Variants in ACSS1 observed in about 807,000 individuals in gnomAD.
ACSS1 encodes acyl-CoA synthetase short chain family member 1, also known as acetyl-coenzyme A synthetase 2-like, mitochondrial.
ACSS1 carries 42 observed loss-of-function variants against 75.3 expected under a neutral mutation model. That is an observed-to-expected ratio of 0.56 (90% CI 0.44 to 0.72). The LOEUF (loss-of-function observed/expected upper bound fraction) is 0.72. Ranked by LOEUF, ACSS1 falls within the 30% of genes least tolerant of loss-of-function variation. The probability of loss-of-function intolerance (pLI) is 0.00; values close to 1 mark genes in which losing one functional copy is unlikely to be tolerated. For missense variants in ACSS1, 782 were observed against 935.7 expected (o/e 0.84, Z 2.14); for synonymous variants, 380 against 376.8 (o/e 1.01, Z -0.10).
chr20:25,007,996 A>C, intron 13 of ACSS1, 55 bp from the exon 14 acceptor site: 1 of 1,579,256 alleles, frequency 6.3e-7, no homozygotes, highest in South Asian at 1.2e-5. Context: ...CCTCTGTGCT[A>C]GCGTGGACTG....
At chr20:25,030,460 G>C (rs145592920) in intron 3 of ACSS1, among the ~76,000 whole-genome samples, 2 of 151,982 alleles carry the variant, frequency 1.3e-5, no homozygotes, top group Non-Finnish European at 2.9e-5. Context: ...CCCTCCTGCC[G>C]CACTACACCC....
intron 2 of ACSS1, among the ~76,000 whole-genome samples, chr20:25,040,383 C>T (rs980434463): frequency 2.0e-5 from 3 of 152,212 alleles, no homozygotes; most frequent in African/African-American, 4.8e-5. Context: ...CAGATTAACA[C>T]CTGGAGGAGA....
intron 6 of ACSS1, 135 bp downstream of exon 6, chr20:25,021,254 C>T: frequency 1.6e-6 from 2 of 1,215,086 alleles, no homozygotes; most frequent in Non-Finnish European, 2.2e-6. Context: ...GGCATTTCGA[C>T]AGCAGGACCT....
chr20:25,045,429 C>T (rs145837532), intron 2 of ACSS1, among the ~76,000 whole-genome samples: 132 of 152,366 alleles, frequency 8.7e-4, no homozygotes, highest in African/African-American at 2.7e-3. Context: ...CCTAAGGTCA[C>T]GGTGGGGACC....
chr20:25,031,014 C>T, intron 2 of ACSS1, 56 bp from the exon 3 acceptor site: 1 of 1,578,524 alleles, frequency 6.3e-7, no homozygotes, highest in Non-Finnish European at 8.6e-7. Context: ...AAATGCAGAG[C>T]AGTTTGGGGG....
At position 25,057,841 on chromosome 20, in the gene ACSS1, G is replaced by T. The variant is rs1298806286; in HGVS notation, c.262C>A (p.His88Asn). ...CTGAAGTCGCAGTCCCAGACGGTGT[G>T]GTAGGGGGTGTCCCACACGAGAGTG... ...RDTLVWDTPY[H>N]TVWDCDFSTG... is the part of the protein sequence containing the mutation. The change falls in exon 1 of 14, where the codon CAC becomes AAC. Residue 88 changes from histidine to asparagine, a missense_variant. This residue lies in a region of ACSS1 where 377 missense variants were observed against 383.1 expected (regional missense o/e 0.98). Transcript: ENST00000323482. The T allele has an allele frequency of 5.0e-6, 8 of 1,612,380 alleles. No individual in the cohort carries two copies. Among genetic ancestry groups the T allele is most frequent in the Non-Finnish European group, 6.8e-6 (8 of 1,179,344 alleles).
At chr20:25,023,368 T>A (rs1568835875) in intron 4 of ACSS1, 98 bp downstream of exon 4, 4 of 1,463,726 alleles carry the variant, frequency 2.7e-6, no homozygotes, top group Admixed American at 3.8e-5. Context: ...CCTGGGCACC[T>A]CTAGGGAACC....
At chr20:25,053,867 A>T (rs1280266627) in intron 1 of ACSS1, among the ~76,000 whole-genome samples, 5 of 152,242 alleles carry the variant, frequency 3.3e-5, no homozygotes, top group African/African-American at 1.2e-4. Flanking sequence ...GGGGTTTTAA[A>T]AATAGAGCTT....
intron 3 of ACSS1, among the ~76,000 whole-genome samples, chr20:25,030,135 T>A (rs1216266574): frequency 6.6e-6 from 1 of 152,194 alleles, no homozygotes; most frequent in Non-Finnish European, 1.5e-5. Context: ...CAATGGCACC[T>A]AGAACCTGGC....
Position 25,036,413 on chromosome 20 carries a change from C to T in ACSS1, c.432-5455G>A, listed in dbSNP as rs571254724. 2.7e-4 allele frequency among the ~76,000 whole-genome samples: 41 copies of T among 152,240 alleles called. No individual in the cohort carries two copies. The East Asian group carries it at 3.1e-3, about 11-fold the overall frequency. ...AACACGATAACTGCCTGAACTCAGA[C>T]GGTACAACTGCACCCCTGCCCCCCA... On this transcript the variant is annotated intron_variant, in intron 2 of 13. Coordinates refer to ENST00000323482, the MANE Select transcript of ACSS1 (RefSeq NM_032501.4).
chr20:25,030,144 G>A (rs1480346982), intron 3 of ACSS1, among the ~76,000 whole-genome samples: 1 of 152,198 alleles, frequency 6.6e-6, no homozygotes, highest in East Asian at 1.9e-4. Flanking sequence ...CTAGAACCTG[G>A]CACCTGCCTT....
At chr20:25,010,949 T>C (rs886229813) in intron 12 of ACSS1, 1 of 152,022 alleles carries the variant, frequency 6.6e-6, no homozygotes, top group Admixed American at 6.5e-5. Flanking sequence ...GGGACAAATA[T>C]ACGATATTCA....
chr20:25,049,541 T>C (rs930586215), intron 1 of ACSS1, among the ~76,000 whole-genome samples: 29 of 152,122 alleles, frequency 1.9e-4, no homozygotes, highest in African/African-American at 5.3e-4. Flanking sequence ...GTAAGAAACA[T>C]GCAAAAGTGA....
At position 25,030,753 on chromosome 20, in the gene ACSS1, C is replaced by T; in HGVS notation, c.631+6G>A. The T allele has an allele frequency of 6.2e-7, 1 of 1,614,002 alleles. No homozygotes were observed. The highest frequency in any genetic ancestry group is 8.5e-7 in the Non-Finnish European group (1 of 1,179,954). ...GGTTCCTCCCTCCCCATGCCCACCT[C>T]CTCACCATCATTGATCCTCCCAGCC... is the stretch of plus-strand genomic sequence containing the variant. On this transcript the variant is annotated splice_donor_region_variant and intron_variant, in intron 3 of 13. Transcript: ENST00000323482.
At chr20:25,015,468 T>C (rs1021839543) in intron 7 of ACSS1, among the ~76,000 whole-genome samples, 1 of 152,152 alleles carries the variant, frequency 6.6e-6, no homozygotes, top group African/African-American at 2.4e-5. Flanking sequence ...GCTAATTTTT[T>C]GTATTTTTAG....
In ACSS1 at chr20:25,021,742, T is replaced by G. The variant is rs6050253; in HGVS notation, c.961-206A>C. Among the ~76,000 whole-genome samples the G allele has an allele frequency of 8.7e-3, 1,320 of 152,286 alleles. 24 individuals carry two copies. The highest frequency in any genetic ancestry group is 0.03 in the African/African-American group (1,257 of 41,546). ...TTTAACACATGGACACCTTTTTGCA[T>G]TACCTTATGCCACGATTTTTTAAAC... is the stretch of plus-strand genomic sequence containing the variant. On this transcript the variant is annotated intron_variant, in intron 5 of 13. Coordinates refer to ENST00000323482, the MANE Select transcript of ACSS1 (RefSeq NM_032501.4).
intron 1 of ACSS1, among the ~76,000 whole-genome samples, chr20:25,051,746 C>T (rs987954839): frequency 6.6e-6 from 1 of 152,212 alleles, no homozygotes; most frequent in Non-Finnish European, 1.5e-5. Context: ...CACTGGTTGG[C>T]AGCCTGGAGT....
chr20:25,035,314 A>G (rs538640724), intron 2 of ACSS1, among the ~76,000 whole-genome samples: 232 of 152,100 alleles, frequency 1.5e-3, no homozygotes, highest in Non-Finnish European at 1.3e-3. Flanking sequence ...GCTTGCTCCT[A>G]TTATGGCCAT....
chr20:25,041,347 G>C (rs2089001090), intron 2 of ACSS1, among the ~76,000 whole-genome samples: 1 of 152,100 alleles, frequency 6.6e-6, no homozygotes, highest in Non-Finnish European at 1.5e-5. Context: ...TGACCTCCAG[G>C]CCACACTCCC....
Sources: allele counts gnomAD v4.1 joint callset (sites outside exome capture counted in the v4.1 genomes callset), GRCh38; gene constraint gnomAD v4.1.1; regional missense constraint gnomAD v4.1.1; transcripts MANE v1.5; gene names NCBI Gene and HGNC (gene_info 2026-07-23, HGNC 2026-07-21).